The following ADCY1 variants were observed in gnomAD, a reference collection of about 807,000 sequenced individuals.
ADCY1 encodes the protein adenylate cyclase type 1.
In ADCY1, 28 loss-of-function variants were observed where a neutral mutation model predicts 105.4. The observed-to-expected ratio is 0.27, with a 90% CI of 0.20 to 0.36. The LOEUF (loss-of-function observed/expected upper bound fraction) is 0.36, where lower values mean the gene tolerates loss of function less well. ADCY1 is among the 10% of genes least tolerant of loss of function. The pLI, the probability that ADCY1 is intolerant of heterozygous loss-of-function variation, is 1.00. For missense variants in ADCY1, 977 were observed against 1,434.2 expected (o/e 0.68, Z 5.15); for synonymous variants, 655 against 623.8 (o/e 1.05, Z -0.75).
At chr7:45,667,764 A>G (rs1010830628) in intron 8 of ADCY1, among the ~76,000 whole-genome samples, 1 of 152,242 alleles carries the variant, frequency 6.6e-6, no homozygotes, top group Non-Finnish European at 1.5e-5. Flanking sequence ...ATCCGTGAGC[A>G]TGGAATGTTC....
intron 10 of ADCY1, among the ~76,000 whole-genome samples, 183 bp from the exon 11 acceptor site, chr7:45,679,526 C>T (rs1784518311): frequency 1.3e-5 from 2 of 152,134 alleles, no homozygotes; most frequent in African/African-American, 4.8e-5. Flanking sequence ...ATGCCCTGCC[C>T]TAAAAAATAG....
chr7:45,703,389 G>T lies in ADCY1; in HGVS notation c.2468G>T (p.Arg823Leu). 6.2e-7 allele frequency: 1 copy of T among 1,613,986 alleles called. No homozygotes were observed. Among genetic ancestry groups the T allele is most frequent in the Non-Finnish European group, 8.5e-7 (1 of 1,179,962 alleles). The change falls in exon 15 of 20, where the codon CGA becomes CTA. Residue 823 changes from arginine (R) to leucine (L), a missense_variant. Coordinates refer to ENST00000297323, the MANE Select transcript of ADCY1 (RefSeq NM_021116.4). The surrounding 1 kb of genome is among the most constrained non-coding windows in gnomAD (Gnocchi z 5.9). Reference sequence around the variant, plus strand: ...ATGATACCCCAGGCAGAGGAGGAGCGAGAGGACATGGAGAAGGTGAAGCTG... The same window carrying T: ...ATGATACCCCAGGCAGAGGAGGAGCTAGAGGACATGGAGAAGGTGAAGCTG... Reference protein sequence around the residue: ...YLWAAQAEEEREDMEKVKLDN... With the variant: ...YLWAAQAEEELEDMEKVKLDN...
chr7:45,601,285 C>T (rs542161435), intron 2 of ADCY1, among the ~76,000 whole-genome samples: 8 of 152,282 alleles, frequency 5.3e-5, no homozygotes, highest in African/African-American at 1.2e-4. Context: ...TGGCAGGAGG[C>T]AGGAGAGGGG....
chr7:45,681,198 G>T (rs1388760417), intron 11 of ADCY1, among the ~76,000 whole-genome samples: 1 of 152,222 alleles, frequency 6.6e-6, no homozygotes, highest in Admixed American at 6.5e-5. Context: ...GGATTGGGGC[G>T]CTAAGTCATC....
intron 4 of ADCY1, among the ~76,000 whole-genome samples, chr7:45,642,812 T>G: frequency 6.6e-6 from 1 of 152,190 alleles, no homozygotes; most frequent in East Asian, 1.9e-4. Flanking sequence ...GGCTGACATT[T>G]TGTGTTGCAT....
intron 3 of ADCY1, among the ~76,000 whole-genome samples, chr7:45,611,016 T>TGATGGTGGAGGC (rs1793569314): frequency 8.4e-6 from 1 of 118,928 alleles, no homozygotes; most frequent in Non-Finnish European, 1.9e-5. Context: ...GTGGTGGAGG[T>TGATGGTGGAGGC]GTGGAGGTGA....
At chr7:45,684,941 ATC>A (rs1344499729) in intron 11 of ADCY1, 36 bp from the exon 12 acceptor site, 8 of 1,571,846 alleles carry the variant, frequency 5.1e-6, no homozygotes, top group Middle Eastern at 1.7e-4. Context: ...CACCTTGGTA[ATC>A]AGAGGGTATT....
chr7:45,609,441 G>A (rs1017671493), intron 2 of ADCY1, among the ~76,000 whole-genome samples: 5 of 152,228 alleles, frequency 3.3e-5, no homozygotes, highest in Non-Finnish European at 5.9e-5. Flanking sequence ...AGGCCGCTGC[G>A]GAGGGGCTTG....
intron 2 of ADCY1, among the ~76,000 whole-genome samples, chr7:45,594,801 A>G (rs1793024446): frequency 1.3e-5 from 2 of 152,204 alleles, no homozygotes; most frequent in Admixed American, 1.3e-4. Flanking sequence ...CTTAAGGAGG[A>G]CATTTTCAAA....
chr7:45,648,692 A>G lies in ADCY1; in HGVS notation c.1043A>G (p.Lys348Arg). ...LATENHCRRI[K>R]ILGDCYYCVS... is the part of the protein sequence containing the mutation. ...AAGGAGAACCACTGTCGCCGCATCAAGATTCTCGGGGACTGCTACTACTGC... is the reference window on the plus strand; with the variant it reads ...AAGGAGAACCACTGTCGCCGCATCAGGATTCTCGGGGACTGCTACTACTGC... The change falls in exon 5 of 20, where the codon AAG becomes AGG. Residue 348 changes from lysine to arginine, a missense_variant. This residue lies in a region of ADCY1 where 196 missense variants were observed against 347.8 expected (regional missense o/e 0.56). Transcript: ENST00000297323. The G allele has an allele frequency of 6.2e-7, 1 of 1,614,160 alleles. No homozygotes were observed. Among genetic ancestry groups the G allele is most frequent in the Non-Finnish European group, 8.5e-7 (1 of 1,180,012 alleles).
chr7:45,635,138 G>GTTT (rs59397788), intron 4 of ADCY1, among the ~76,000 whole-genome samples: 13 of 145,828 alleles, frequency 8.9e-5, no homozygotes, highest in Non-Finnish European at 1.5e-4. Flanking sequence ...AGTGAGGTCA[G>GTTT]TTTTTTTTTT....
intron 11 of ADCY1, chr7:45,684,336 G>A (rs1248529046): frequency 6.6e-6 from 1 of 152,240 alleles, no homozygotes; most frequent in Non-Finnish European, 1.5e-5. Flanking sequence ...CTCATGTGGG[G>A]GTTAAAGGAA....
At position 45,720,519 on chromosome 7, in the gene ADCY1, A is replaced by T. The variant is rs1785452891; in HGVS notation, c.*6524A>T. On this transcript the variant is annotated 3_prime_UTR_variant, in exon 20 of 20. Coordinates refer to ENST00000297323, the MANE Select transcript of ADCY1 (RefSeq NM_021116.4). ...CGACAGAGCAAGACTCTCTCAAAAAAAAAAAAAAAAGAAAGAAAGAAATCA... is the reference window on the plus strand; with the variant it reads ...CGACAGAGCAAGACTCTCTCAAAAATAAAAAAAAAAGAAAGAAAGAAATCA... The T allele has an allele frequency of 6.6e-6, 1 of 152,072 alleles. No individual in the cohort carries two copies. Among genetic ancestry groups the T allele is most frequent in the African/African-American group, 2.4e-5 (1 of 41,400 alleles). The allele number at this position is 152,072 out of a possible 1,614,324, so 9.4% of individuals were successfully genotyped here. A position where few individuals can be genotyped will look rare whatever the true frequency, so the allele number is the denominator to read the frequency against.
intron 8 of ADCY1, among the ~76,000 whole-genome samples, 190 bp downstream of exon 8, chr7:45,662,404 T>A (rs1421838069): frequency 6.6e-6 from 1 of 152,258 alleles, no homozygotes; most frequent in Non-Finnish European, 1.5e-5. Flanking sequence ...TGTACTTTTT[T>A]ACTCCTTGGC....
chr7:45,590,578 G>A lies in ADCY1; in HGVS notation c.640-2181G>A, dbSNP rs117658864. Among the ~76,000 whole-genome samples the A allele has an allele frequency of 3.9e-4, 60 of 152,170 alleles. No homozygotes were observed. In the Middle Eastern group the frequency reaches 0.01, roughly 26 times the overall value. ...CTGAACACACCCTAACATGCTCTGC[G>A]TTTTGTTTGTGGAAAAAGCCGGATC... On this transcript the variant is annotated intron_variant, in intron 1 of 19. Coordinates refer to ENST00000297323, the MANE Select transcript of ADCY1 (RefSeq NM_021116.4).
chr7:45,646,463 G>A (rs1481591368), intron 4 of ADCY1, among the ~76,000 whole-genome samples: 2 of 152,218 alleles, frequency 1.3e-5, no homozygotes, highest in African/African-American at 2.4e-5. Context: ...TGTGAGCACT[G>A]ACTGTGGTTC....
intron 8 of ADCY1, 147 bp downstream of exon 8, chr7:45,662,361 GCTA>G: frequency 1.1e-6 from 1 of 919,722 alleles, no homozygotes; most frequent in Non-Finnish European, 1.6e-6. Flanking sequence ...TCAGAGCTGA[GCTA>G]CTTTTTATTT....
chr7:45,637,490 G>A (rs1397985998), intron 4 of ADCY1, among the ~76,000 whole-genome samples: 1 of 152,260 alleles, frequency 6.6e-6, no homozygotes, highest in South Asian at 2.1e-4. Flanking sequence ...TGGAAACTGA[G>A]GTGGGAGGAT....
At chr7:45,610,864 A>ATGGTAGAGGTGGGGAGG (rs1793550356) in intron 3 of ADCY1, among the ~76,000 whole-genome samples, 4 of 95,152 alleles carry the variant, frequency 4.2e-5, no homozygotes, top group Non-Finnish European at 4.4e-5. Flanking sequence ...AGTTGTGGAG[A>ATGGTAGAGGTGGGGAGG]TGATGGTGGA....
Sources: gnomAD v4.1 joint callset for allele counts (sites outside exome capture counted in the v4.1 genomes callset) on GRCh38, gnomAD v4.1.1 for gene constraint, gnomAD v4.1.1 regional missense constraint, Gnocchi (gnomAD v3.1) non-coding constraint, MANE v1.5 for transcripts, NCBI Gene and HGNC (gene_info 2026-07-23, HGNC 2026-07-21) for gene names.